Variants in ADGRE2 observed in about 807,000 individuals in gnomAD.
The protein encoded by ADGRE2 is adhesion G protein-coupled receptor E2, also known as CD97 antigen.
ADGRE2 carries 83 observed loss-of-function variants against 100.8 expected under a neutral mutation model. The observed-to-expected ratio is 0.82, with a 90% CI of 0.69 to 0.99. The LOEUF (loss-of-function observed/expected upper bound fraction) is 0.99, where lower values mean the gene tolerates loss of function less well. Among genes scored for constraint, ADGRE2 ranks in the 50% least tolerant of loss-of-function variants. The pLI, the probability that ADGRE2 is intolerant of heterozygous loss-of-function variation, is 0.00. For synonymous variants in ADGRE2, 355 were observed against 413.0 expected (o/e 0.86, Z 1.70); for missense variants, 814 against 1,035.7 (o/e 0.79, Z 2.94).
chr19:14,754,080 GA>G, intron 14 of ADGRE2, among the ~76,000 whole-genome samples: 1 of 151,212 alleles, frequency 6.6e-6, no homozygotes, highest in Non-Finnish European at 1.5e-5. Flanking sequence ...TAAGCAGGCA[GA>G]AAAATGTGAA....
intron 5 of ADGRE2, among the ~76,000 whole-genome samples, chr19:14,767,825 T>C (rs1383288270): frequency 6.6e-6 from 1 of 152,094 alleles, no homozygotes; most frequent in African/African-American, 2.4e-5. Context: ...TTCCTGTGAA[T>C]TGGAAAAAGG....
In ADGRE2 at chr19:14,741,248, C is replaced by T. The variant is rs150156547; in HGVS notation, c.2463+2172G>A. Among the ~76,000 whole-genome samples the T allele has an allele frequency of 9.0e-4, 137 of 151,990 alleles. 1 individual carries two copies. Among genetic ancestry groups the T allele is most frequent in the African/African-American group, 3.2e-3 (131 of 41,426 alleles). On this transcript the variant is annotated intron_variant, in intron 20 of 20. Coordinates refer to ENST00000315576, the MANE Select transcript of ADGRE2 (RefSeq NM_013447.4). ...AGTAGCTGGGATTATAGGTGTGCAC[C>T]ACCATGCCTGGCTAATTTATGTATT...
At chr19:14,741,918 A>C (rs997658350) in intron 20 of ADGRE2, 2 of 398,166 alleles carry the variant, frequency 5.0e-6, no homozygotes, top group Admixed American at 8.8e-5. Context: ...TTGTATGTCT[A>C]CATTAATAAA....
chr19:14,759,995 T>A (rs2043658088), intron 11 of ADGRE2, among the ~76,000 whole-genome samples: 1 of 151,892 alleles, frequency 6.6e-6, no homozygotes, highest in African/African-American at 2.4e-5. Flanking sequence ...ATTTTTTGTA[T>A]TTTTAGTAGA....
chr19:14,751,722 C>T (rs1031077056), intron 15 of ADGRE2, 51 bp from the exon 16 acceptor site: 3 of 1,331,280 alleles, frequency 2.3e-6, no homozygotes, highest in Admixed American at 3.5e-5. Context: ...TTGAGTGTGG[C>T]CCATGGCTTC....
chr19:14,769,680 C>T (rs1446427762), intron 5 of ADGRE2, among the ~76,000 whole-genome samples: 1 of 152,070 alleles, frequency 6.6e-6, no homozygotes, highest in Non-Finnish European at 1.5e-5. Context: ...CTTTTCTTTT[C>T]TCTCTTCTCT....
chr19:14,726,536 G>A, the ADGRE2 span, among the ~76,000 whole-genome samples: 1 of 152,080 alleles, frequency 6.6e-6, no homozygotes, highest in Non-Finnish European at 1.5e-5. Flanking sequence ...TAAATATAAT[G>A]TTCAACTTTA....
At chr19:14,756,188 C>G in intron 12 of ADGRE2, 50 bp downstream of exon 12, 1 of 1,349,748 alleles carries the variant, frequency 7.4e-7, no homozygotes, top group Non-Finnish European at 1.1e-6. Context: ...TCTTGGGCAT[C>G]TTTTCCCACC....
chr19:14,766,554 C>T (rs2043985912), intron 6 of ADGRE2, among the ~76,000 whole-genome samples, 173 bp from the exon 7 acceptor site: 1 of 152,100 alleles, frequency 6.6e-6, no homozygotes, highest in South Asian at 2.1e-4. Context: ...GATGGTCTTC[C>T]TACCAGATGG....
intron 20 of ADGRE2, among the ~76,000 whole-genome samples, chr19:14,740,638 G>T (rs117559525): frequency 5.7e-5 from 8 of 141,588 alleles, no homozygotes; most frequent in South Asian, 2.3e-4. Flanking sequence ...AAAAAAAAAA[G>T]AAAAATAAAA....
chr19:14,763,877 C>T (rs1056512293), intron 11 of ADGRE2, among the ~76,000 whole-genome samples: 5 of 105,966 alleles, frequency 4.7e-5, no homozygotes, highest in Admixed American at 1.1e-4. Flanking sequence ...CTCCTCCTCC[C>T]GTCCTCTTCC....
At chr19:14,751,304 G>A in intron 16 of ADGRE2, 132 bp downstream of exon 16, 1 of 653,094 alleles carries the variant, frequency 1.5e-6, no homozygotes, top group Admixed American at 2.7e-5. Context: ...GAGCTGCAGT[G>A]TAATCCAACC....
At position 14,736,030 on chromosome 19, in the gene ADGRE2, G is replaced by C. The variant is rs2042738773; in HGVS notation, c.*206C>G. On this transcript the variant is annotated 3_prime_UTR_variant, in exon 21 of 21. Coordinates refer to ENST00000315576, the MANE Select transcript of ADGRE2 (RefSeq NM_013447.4). ...CTGGCCGTCCATATGCTGAGAGTTTGATGAGCACATTGCAGGGCATGGAAG... is the reference window on the plus strand; with the variant it reads ...CTGGCCGTCCATATGCTGAGAGTTTCATGAGCACATTGCAGGGCATGGAAG... 1 of 546,742 alleles carries C rather than the reference G, an allele frequency of 1.8e-6. No homozygotes were observed. The highest frequency in any genetic ancestry group is 2.3e-5 in the South Asian group (1 of 42,992). The allele number at this position is 546,742 out of a possible 1,614,324, so 33.9% of individuals were successfully genotyped here.
At chr19:14,772,933 G>A (rs2044263192) in intron 4 of ADGRE2, among the ~76,000 whole-genome samples, 1 of 151,484 alleles carries the variant, frequency 6.6e-6, no homozygotes. Flanking sequence ...ACAAAAACTA[G>A]CCGGGCATGG....
chr19:14,770,595 C>A (rs940052693), intron 5 of ADGRE2, among the ~76,000 whole-genome samples: 1 of 152,018 alleles, frequency 6.6e-6, no homozygotes, highest in African/African-American at 2.4e-5. Context: ...CCTCTCCATT[C>A]CCCAAATGGG....
At chr19:14,753,651 G>A (rs574866075) in intron 14 of ADGRE2, among the ~76,000 whole-genome samples, 149 of 152,000 alleles carry the variant, frequency 9.8e-4, no homozygotes, top group Middle Eastern at 3.4e-3. Context: ...AAAATTAGCC[G>A]GGCATGGTGG....
Position 14,751,591 on chromosome 19 carries a change from G to T in ADGRE2, c.1869C>A (p.Tyr623Ter), listed in dbSNP as rs751566429. ...TLTWMLLEAL[Y>*]LFLTARNLTV... The stretch of plus-strand genomic sequence containing the variant: ...TCAGGTTCCGTGCAGTGAGGAAGAG[G>T]TACAGGGCCTCCAGCAGCATCCAGG... Residue 623 changes from tyrosine to a stop codon, truncating the protein, a stop_gained, in exon 16 of 21, where the codon TAC (tyrosine) becomes TAA (stop). Coordinates refer to ENST00000315576, the MANE Select transcript of ADGRE2 (RefSeq NM_013447.4). LOFTEE classifies it high-confidence loss of function. 4 of 1,614,044 alleles carry T rather than the reference G, an allele frequency of 2.5e-6. No homozygotes were observed. Among genetic ancestry groups the T allele is most frequent in the East Asian group, 2.2e-5 (1 of 44,876 alleles).
rs547296052 is a variant in ADGRE2, at chr19:14,772,641, G to A, written c.200-144C>T. ...CAAGTTGCACTGCACAGGCTATGCTGCAGCTGGAGCAGGCCATTCCTGAAG... is the reference window on the plus strand; with the variant it reads ...CAAGTTGCACTGCACAGGCTATGCTACAGCTGGAGCAGGCCATTCCTGAAG... On this transcript the variant is annotated intron_variant, in intron 4 of 20. Transcript: ENST00000315576. The A allele has an allele frequency of 9.1e-5, 87 of 958,642 alleles. No individual in the cohort carries two copies. The East Asian group carries it at 2.0e-3, about 22-fold the overall frequency. 59.4% of individuals were successfully genotyped at this position (958,642 alleles called of 1,614,324 possible).
At chr19:14,770,669 CTTTTTTTTTTTTTTT>C (rs775214778) in intron 5 of ADGRE2, among the ~76,000 whole-genome samples, 6 of 85,012 alleles carry the variant, frequency 7.1e-5, no homozygotes, top group Admixed American at 1.3e-4. Context: ...TCTTTCTTTT[CTTTTTTTTTTTTTTT>C]TTTTTTTTTT....
Sources: gnomAD v4.1 joint callset for allele counts (sites outside exome capture counted in the v4.1 genomes callset) on GRCh38, gnomAD v4.1.1 for gene constraint, MANE v1.5 for transcripts, NCBI Gene and HGNC (gene_info 2026-07-23, HGNC 2026-07-21) for gene names.